PARD3B: variants seen among roughly 807,000 people sequenced by gnomAD.
PARD3B encodes partitioning defective 3 homolog B.
PARD3B carries 103 observed loss-of-function variants against 130.2 expected under a neutral mutation model. The observed-to-expected ratio is 0.79, with a 90% CI of 0.67 to 0.93. The LOEUF is 0.93. PARD3B is among the 40% of genes least tolerant of loss of function. The pLI is 0.00. For missense variants in PARD3B, 1,609 were observed against 1,499.2 expected, an observed-to-expected ratio of 1.07 and a Z score of -1.21; for synonymous variants, 583 against 553.2, an observed-to-expected ratio of 1.05 and a Z score of -0.76.
intron 2 of PARD3B, among the ~76,000 whole-genome samples, chr2:204,858,795 T>C (rs142229855): frequency 0.013 from 1,878 of 148,274 alleles, 38 homozygotes; most frequent in African/African-American, 0.032. Flanking sequence ...ATATAAAAAA[T>C]ATAGTAAAAT....
chr2:204,731,283 A>C lies in PARD3B; in HGVS notation c.222+45001A>C, dbSNP rs139694157. On this transcript the variant is annotated intron_variant, in intron 2 of 22. Coordinates refer to ENST00000406610, the MANE Select transcript of PARD3B (RefSeq NM_001302769.2). ...TTCCCAAACAAGTTTACAATGCTTT[A>C]TCATCACTTACTCAATTTATCTAAT... Among the ~76,000 whole-genome samples the C allele has an allele frequency of 3.5e-3, 539 of 152,332 alleles. 6 individuals carry two copies. The highest frequency in any genetic ancestry group is 0.012 in the African/African-American group (493 of 41,576).
At chr2:205,182,421 A>G (rs983304859) in intron 13 of PARD3B, among the ~76,000 whole-genome samples, 3 of 152,204 alleles carry the variant, frequency 2.0e-5, no homozygotes, top group Non-Finnish European at 4.4e-5. Flanking sequence ...ACATAAACAC[A>G]TAAAGAACGA....
intron 21 of PARD3B, among the ~76,000 whole-genome samples, chr2:205,520,208 C>G (rs960376585): frequency 1.3e-5 from 2 of 152,148 alleles, no homozygotes; most frequent in Non-Finnish European, 2.9e-5. Flanking sequence ...GTCAGTAATC[C>G]CTCAGTGCAA....
chr2:205,025,774 C>T (rs982868348), intron 3 of PARD3B, among the ~76,000 whole-genome samples: 1 of 152,040 alleles, frequency 6.6e-6, no homozygotes, highest in East Asian at 1.9e-4. Context: ...ACTCCTATTC[C>T]ATGTTTTGCC....
At chr2:204,792,257 A>G (rs2042226875) in intron 2 of PARD3B, among the ~76,000 whole-genome samples, 2 of 152,226 alleles carry the variant, frequency 1.3e-5, no homozygotes, top group African/African-American at 2.4e-5. Context: ...CTTTATGGGT[A>G]AAAGCACAAA....
At chr2:204,783,489 G>C (rs976988750) in intron 2 of PARD3B, among the ~76,000 whole-genome samples, 9 of 152,224 alleles carry the variant, frequency 5.9e-5, no homozygotes, top group African/African-American at 2.2e-4. Context: ...TCCAGATATA[G>C]ATTAGGGCTT....
intron 4 of PARD3B, among the ~76,000 whole-genome samples, chr2:205,093,697 T>C (rs1356518427): frequency 6.6e-6 from 1 of 152,202 alleles, no homozygotes; most frequent in African/African-American, 2.4e-5. Flanking sequence ...GCTTACATTT[T>C]AGCTATTGAT....
rs533343188 is a variant in PARD3B at position 204,920,780 on chromosome 2, T to A, written c.223-44372T>A. Among the ~76,000 whole-genome samples the A allele has an allele frequency of 2.6e-4, 40 of 152,334 alleles. 1 individual carries two copies. Among genetic ancestry groups the A allele is most frequent in the African/African-American group, 9.6e-4 (40 of 41,574 alleles). On this transcript the variant is annotated intron_variant, in intron 2 of 22. Coordinates refer to ENST00000406610, the MANE Select transcript of PARD3B (RefSeq NM_001302769.2). ...ATCGCTGTTGTGTTTTATTGCTGTC[T>A]CTGTGCGAGACTGCCCTGCTCCTTT...
At chr2:204,727,834 C>A (rs890700743) in intron 2 of PARD3B, among the ~76,000 whole-genome samples, 1 of 152,046 alleles carries the variant, frequency 6.6e-6, no homozygotes, top group Non-Finnish European at 1.5e-5. Context: ...CCTCTGATGT[C>A]GAAAAGTGAA....
At chr2:205,270,973 G>A (rs575393655) in intron 16 of PARD3B, among the ~76,000 whole-genome samples, 3 of 152,092 alleles carry the variant, frequency 2.0e-5, no homozygotes, top group African/African-American at 4.8e-5. Flanking sequence ...CTCCTCCAGA[G>A]GCAAAAAAGG....
chr2:205,536,217 G>A (rs1454475101), intron 21 of PARD3B, among the ~76,000 whole-genome samples: 1 of 151,868 alleles, frequency 6.6e-6, no homozygotes, highest in Non-Finnish European at 1.5e-5. Context: ...TCTTAGCTGA[G>A]TTGTGTGCTA....
chr2:205,124,008 A>G (rs999972112), intron 8 of PARD3B, among the ~76,000 whole-genome samples: 19 of 152,316 alleles, frequency 1.2e-4, no homozygotes, highest in Admixed American at 9.2e-4. Flanking sequence ...CTCAGGAAGT[A>G]TGAAGTCAGG....
chr2:204,737,193 A>T (rs1029161558), intron 2 of PARD3B, among the ~76,000 whole-genome samples: 1 of 152,204 alleles, frequency 6.6e-6, no homozygotes, highest in African/African-American at 2.4e-5. Flanking sequence ...GCTGGTCTCG[A>T]CCTCAGGTGA....
chr2:204,976,035 A>C (rs1164981375), intron 3 of PARD3B, among the ~76,000 whole-genome samples: 1 of 152,166 alleles, frequency 6.6e-6, no homozygotes, highest in Non-Finnish European at 1.5e-5. Flanking sequence ...TGATGCTGTA[A>C]TATTCTGACT....
intron 1 of PARD3B, among the ~76,000 whole-genome samples, chr2:204,587,258 C>T (rs988173215): frequency 2.6e-5 from 4 of 152,120 alleles, no homozygotes; most frequent in African/African-American, 9.7e-5. Context: ...TTATCTTTTA[C>T]AGGACGTAAG....
At chr2:204,548,822 A>G (rs1218583148) in intron 1 of PARD3B, among the ~76,000 whole-genome samples, 4 of 152,194 alleles carry the variant, frequency 2.6e-5, no homozygotes, top group Admixed American at 2.6e-4. Flanking sequence ...TCTAACTACA[A>G]ATGGGAAAAT....
At position 205,615,883 on chromosome 2, in the gene PARD3B, T is replaced by C; in HGVS notation, c.*70T>C. 1 of 1,303,896 alleles carries C rather than the reference T, an allele frequency of 7.7e-7. No homozygotes were observed. The highest frequency in any genetic ancestry group is 1.1e-6 in the Non-Finnish European group (1 of 936,498). 80.8% of individuals were successfully genotyped at this position (1,303,896 alleles called of 1,614,324 possible). The stretch of plus-strand genomic sequence containing the variant: ...ACTCTACCTTTGCCCTTTCTAAACC[T>C]GAAGACCTCCTTGGTGTTAGGAATT... On this transcript the variant is annotated 3_prime_UTR_variant, in exon 23 of 23. Transcript: ENST00000406610.
intron 19 of PARD3B, among the ~76,000 whole-genome samples, chr2:205,406,180 G>A (rs1447002203): frequency 6.6e-6 from 1 of 152,018 alleles, no homozygotes; most frequent in African/African-American, 2.4e-5. Flanking sequence ...AGATTAGATC[G>A]GTTTTGTAGC....
intron 4 of PARD3B, among the ~76,000 whole-genome samples, chr2:205,063,358 ATAAAG>A (rs1349015532): frequency 9.2e-5 from 14 of 152,188 alleles, no homozygotes; most frequent in Non-Finnish European, 1.8e-4. Flanking sequence ...ATTTTAAAAA[ATAAAG>A]TCAAAATTTG....
Sources: allele counts gnomAD v4.1 joint callset (sites outside exome capture counted in the v4.1 genomes callset), GRCh38; gene constraint gnomAD v4.1.1; transcripts MANE v1.5; gene names NCBI Gene and HGNC (gene_info 2026-07-23, HGNC 2026-07-21).